FBXL18: variants seen among roughly 807,000 people sequenced by gnomAD.
FBXL18 encodes the protein F-box/LRR-repeat protein 18.
A neutral mutation model predicts 46.0 loss-of-function variants in FBXL18; 36 were observed. The observed-to-expected ratio is 0.78, with a 90% CI of 0.60 to 1.03. The LOEUF (loss-of-function observed/expected upper bound fraction) is 1.03. Ranked by LOEUF, FBXL18 falls within the 50% of genes least tolerant of loss-of-function variation. The pLI, the probability that FBXL18 is intolerant of heterozygous loss-of-function variation, is 0.00. For synonymous variants in FBXL18, 557 were observed against 465.3 expected (o/e 1.20, Z -2.54); for missense variants, 977 against 1,004.1 (o/e 0.97, Z 0.36).
chr7:5,464,146 C>G (rs958576761), intron 4 of FBXL18, among the ~76,000 whole-genome samples: 32 of 152,072 alleles, frequency 2.1e-4, no homozygotes, highest in African/African-American at 6.8e-4. Context: ...GAGTTCAAGA[C>G]CAGCCTGGCC....
chr7:5,463,733 T>TTTTA (rs1783297262), intron 4 of FBXL18, among the ~76,000 whole-genome samples: 1 of 23,152 alleles, frequency 4.3e-5, no homozygotes, highest in South Asian at 1.2e-3. Context: ...TATTTATTTT[T>TTTTA]TTTTTTTTTT....
intron 3 of FBXL18, among the ~76,000 whole-genome samples, chr7:5,493,388 C>G (rs944970701): frequency 6.6e-6 from 1 of 152,018 alleles, no homozygotes; most frequent in African/African-American, 2.4e-5. Context: ...TGCAAGCTCC[C>G]GGGTTCACGC....
chr7:5,469,491 G>T (rs1250739555), intron 4 of FBXL18, among the ~76,000 whole-genome samples: 1 of 152,138 alleles, frequency 6.6e-6, no homozygotes, highest in African/African-American at 2.4e-5. Context: ...GTGTGTAAAT[G>T]AGCACATCTG....
intron 4 of FBXL18, among the ~76,000 whole-genome samples, chr7:5,468,683 C>A (rs1783382489): frequency 6.6e-6 from 1 of 152,130 alleles, no homozygotes; most frequent in African/African-American, 2.4e-5. Context: ...TCTCTGCAGA[C>A]AACAACTCCT....
chr7:5,454,811 G>A (rs552299580), intron 4 of FBXL18, among the ~76,000 whole-genome samples: 18 of 152,272 alleles, frequency 1.2e-4, no homozygotes, highest in African/African-American at 3.6e-4. Context: ...AGGAGAAGGC[G>A]TCCCCAGGGC....
chr7:5,493,650 T>C (rs1464954364), intron 3 of FBXL18, among the ~76,000 whole-genome samples: 6 of 139,960 alleles, frequency 4.3e-5, no homozygotes, highest in Non-Finnish European at 6.1e-5. Context: ...ACTGGTTATT[T>C]ACTTTTGTGT....
Position 5,455,503 on chromosome 7 carries a change from C to G in FBXL18, c.2001-7660G>C, listed in dbSNP as rs73673159. On this transcript the variant is annotated intron_variant and NMD_transcript_variant, in intron 4 of 6. Transcript: ENST00000415009. This position sits in a 1 kb window ranked among gnomAD's most constrained non-coding sequence, Gnocchi z 4.6. ...CCACTGGCTTCACTGGCGTCAGAAG[C>G]AATTCCACAAGCCCAGCCCCTCCTG... Among the ~76,000 whole-genome samples, 1 of 152,032 alleles carries G rather than the reference C, an allele frequency of 6.6e-6. No individual in the cohort carries two copies. The highest frequency in any genetic ancestry group is 1.5e-5 in the Non-Finnish European group (1 of 67,986).
chr7:5,507,918 G>A (rs568691493), intron 1 of FBXL18, among the ~76,000 whole-genome samples: 2 of 150,130 alleles, frequency 1.3e-5, no homozygotes, highest in South Asian at 2.1e-4. Flanking sequence ...GGCAGATCAC[G>A]AGGTCAGTTC....
chr7:5,471,367 C>T (rs1301232625), downstream of FBXL18, among the ~76,000 whole-genome samples: 3 of 152,194 alleles, frequency 2.0e-5, no homozygotes, highest in Non-Finnish European at 4.4e-5. Context: ...ACCTCCGCCT[C>T]CCGGGTTCAC....
intron 3 of FBXL18, among the ~76,000 whole-genome samples, chr7:5,492,329 G>C (rs529890326): frequency 5.4e-4 from 82 of 151,868 alleles, no homozygotes; most frequent in African/African-American, 1.9e-3. Context: ...GGCCCTTGGA[G>C]AACCAGGCTG....
intron 3 of FBXL18, among the ~76,000 whole-genome samples, chr7:5,495,544 C>G (rs1487557599): frequency 6.6e-6 from 1 of 152,190 alleles, no homozygotes; most frequent in African/African-American, 2.4e-5. Context: ...TGCACCACCC[C>G]CTCCCTGCCA....
At chr7:5,469,109 A>C (rs533506386) in intron 4 of FBXL18, among the ~76,000 whole-genome samples, 2 of 151,682 alleles carry the variant, frequency 1.3e-5, no homozygotes, top group Non-Finnish European at 2.9e-5. Context: ...TGTATGAAGA[A>C]TGTGTGTAAG....
intron 4 of FBXL18, among the ~76,000 whole-genome samples, chr7:5,458,344 C>T (rs540553873): frequency 6.6e-6 from 1 of 152,158 alleles, no homozygotes; most frequent in African/African-American, 2.4e-5. Flanking sequence ...GCGAGTGGAT[C>T]GCTTGAGGTC....
intron 4 of FBXL18, among the ~76,000 whole-genome samples, chr7:5,460,981 T>A (rs1327126649): frequency 6.6e-6 from 1 of 152,224 alleles, no homozygotes; most frequent in Non-Finnish European, 1.5e-5. Context: ...AGAGTCTCGT[T>A]TGTTCAAAGA....
intron 4 of FBXL18, among the ~76,000 whole-genome samples, chr7:5,467,125 G>A (rs1182336082): frequency 6.6e-6 from 1 of 152,186 alleles, no homozygotes; most frequent in African/African-American, 2.4e-5. Context: ...GCGAAGGCGG[G>A]CGGATCACGA....
In FBXL18 at chr7:5,501,878, G is replaced by C. The variant is rs1488847419; in HGVS notation, c.391C>G (p.Leu131Val). The change falls in exon 3 of 5, where the codon CTC becomes GTC. Residue 131 changes from leucine to valine, a missense_variant. Transcript: ENST00000382368. Reference sequence around the variant, plus strand: ...ATCTTGGAGAGGCGCAGGGAAGTGAGGTGGCAGCCCGAGAGGTTCACCTTC... The same window carrying C: ...ATCTTGGAGAGGCGCAGGGAAGTGACGTGGCAGCCCGAGAGGTTCACCTTC... ...LVKVNLSGCH[L>V]TSLRLSKMLS... 5.0e-6 allele frequency: 8 copies of C among 1,602,944 alleles called. No homozygotes were observed. The highest frequency in any genetic ancestry group is 6.8e-6 in the Non-Finnish European group (8 of 1,176,012).
intron 2 of FBXL18, 39 bp downstream of exon 2, chr7:5,505,371 ATC>A (rs781052347): frequency 1.3e-6 from 2 of 1,580,192 alleles, no homozygotes; most frequent in Admixed American, 3.4e-5. Context: ...AAAGACTGAG[ATC>A]TAGCTTGTTT....
At chr7:5,504,065 C>G (rs1784333331) in intron 2 of FBXL18, among the ~76,000 whole-genome samples, 1 of 151,648 alleles carries the variant, frequency 6.6e-6, no homozygotes. Flanking sequence ...GAGAGGAGGC[C>G]TGGAGGCCTG....
rs1196587516 is a variant in FBXL18 at position 5,496,155 on chromosome 7, A to C, written c.1781+4333T>G. ...CCATGTGACCTAGGCAAGTTCATGC[A>C]CTCTCTGGGCCTTACTTTCTTCATC... On this transcript the variant is annotated intron_variant, in intron 3 of 4. Transcript: ENST00000382368. The surrounding 1 kb of genome is among the most constrained non-coding windows in gnomAD (Gnocchi z 4.8). Among the ~76,000 whole-genome samples, 1 of 151,896 alleles carries C rather than the reference A, an allele frequency of 6.6e-6. No individual in the cohort carries two copies. The highest frequency in any genetic ancestry group is 1.5e-5 in the Non-Finnish European group (1 of 67,982).
Sources: allele counts gnomAD v4.1 joint callset (sites outside exome capture counted in the v4.1 genomes callset), GRCh38; gene constraint gnomAD v4.1.1; non-coding constraint Gnocchi (gnomAD v3.1); transcripts MANE v1.5; gene names NCBI Gene and HGNC (gene_info 2026-07-23, HGNC 2026-07-21).